Variants in BRINP1 observed in about 807,000 individuals in gnomAD.
BRINP1 encodes the protein BMP/retinoic acid inducible neural specific 1, also known as BMP/retinoic acid-inducible neural-specific protein 1.
A neutral mutation model predicts 72.9 loss-of-function variants in BRINP1; 17 were observed. The ratio of observed to expected loss-of-function variants is 0.23; its 90% CI spans 0.16 to 0.35. BRINP1 has a LOEUF of 0.35. BRINP1 is among the 10% of genes least tolerant of loss of function. The probability of loss-of-function intolerance (pLI) is 1.00; values close to 1 mark genes in which losing one functional copy is unlikely to be tolerated. For missense variants in BRINP1, 850 were observed against 1,001.6 expected, an observed-to-expected ratio of 0.85 and a Z score of 2.04; for synonymous variants, 418 against 378.5, an observed-to-expected ratio of 1.10 and a Z score of -1.21.
intron 1 of BRINP1, among the ~76,000 whole-genome samples, chr9:119,360,399 C>T (rs1831617426): frequency 6.6e-6 from 1 of 152,208 alleles, no homozygotes; most frequent in Non-Finnish European, 1.5e-5. Context: ...ACTCAGAACC[C>T]ATCAAATTCC....
intron 5 of BRINP1, among the ~76,000 whole-genome samples, chr9:119,230,286 A>C (rs1347781744): frequency 6.6e-6 from 1 of 152,108 alleles, no homozygotes; most frequent in African/African-American, 2.4e-5. Context: ...TGTTAAGTTA[A>C]GAAATCTAAA....
chr9:119,362,098 G>T (rs190090101), intron 1 of BRINP1, among the ~76,000 whole-genome samples: 1 of 142,960 alleles, frequency 7.0e-6, no homozygotes, highest in East Asian at 2.2e-4. Flanking sequence ...GATTACAGGC[G>T]TGAGCCACCA....
At chr9:119,350,783 C>T (rs1241290497) in intron 1 of BRINP1, among the ~76,000 whole-genome samples, 2 of 152,224 alleles carry the variant, frequency 1.3e-5, no homozygotes, top group South Asian at 2.1e-4. Context: ...AAAATAAAAA[C>T]TGTAATACCT....
chr9:119,220,636 C>T (rs866276459), intron 5 of BRINP1, among the ~76,000 whole-genome samples: 18 of 151,874 alleles, frequency 1.2e-4, no homozygotes, highest in South Asian at 4.2e-4. Flanking sequence ...AATTCAAGAA[C>T]GGGAAAGAAA....
In BRINP1 at chr9:119,219,431, T is replaced by C. The variant is rs548412582; in HGVS notation, c.686-5276A>G. Among the ~76,000 whole-genome samples, 205 of 152,222 alleles carry C rather than the reference T, an allele frequency of 1.3e-3. 1 individual carries two copies. Among genetic ancestry groups the C allele is most frequent in the African/African-American group, 4.8e-3 (199 of 41,524 alleles). On this transcript the variant is annotated intron_variant, in intron 5 of 7. Transcript: ENST00000265922. ...TAATCACTCCATCATTTTTCTTCTA[T>C]TAATTTTCCTTCCTTCCTTCCTGTT...
intron 2 of BRINP1, among the ~76,000 whole-genome samples, chr9:119,276,503 A>T (rs1830659484): frequency 6.6e-6 from 1 of 152,220 alleles, no homozygotes; most frequent in Admixed American, 6.5e-5. Flanking sequence ...CAATACAATT[A>T]GTTGTTTTAT....
chr9:119,200,889 A>G (rs1407804261), intron 7 of BRINP1, among the ~76,000 whole-genome samples: 1 of 152,014 alleles, frequency 6.6e-6, no homozygotes, highest in East Asian at 1.9e-4. Context: ...GGAGCAGCCC[A>G]TGTGAATCCT....
At chr9:119,346,032 C>T in intron 1 of BRINP1, among the ~76,000 whole-genome samples, 1 of 152,100 alleles carries the variant, frequency 6.6e-6, no homozygotes, top group Non-Finnish European at 1.5e-5. Flanking sequence ...CTCTTAACCA[C>T]AAAGCATACT....
At chr9:119,367,605 T>C (rs560533035) in intron 1 of BRINP1, among the ~76,000 whole-genome samples, 13 of 152,082 alleles carry the variant, frequency 8.5e-5, no homozygotes, top group Admixed American at 8.5e-4. Context: ...TCCCAGGAGA[T>C]GGAGGAAAGA....
At chr9:119,333,392 G>A (rs1831319192) in intron 1 of BRINP1, among the ~76,000 whole-genome samples, 1 of 150,594 alleles carries the variant, frequency 6.6e-6, no homozygotes, top group Non-Finnish European at 1.5e-5. Context: ...GAGCCTGGGA[G>A]GCAGAGGCTG....
chr9:119,313,187 A>G lies in BRINP1; in HGVS notation c.169T>C (p.Phe57Leu), dbSNP rs1239391077. Reference protein sequence around the residue: ...PFHHSRSYLSFVERHRQGFTT... With the variant: ...PFHHSRSYLSLVERHRQGFTT... ...AATCCTTGACGGTGTCTTTCCACAAAGGATAGGTAGCTCCTGGAGTGGTGG... is the reference window on the plus strand; with the variant it reads ...AATCCTTGACGGTGTCTTTCCACAAGGGATAGGTAGCTCCTGGAGTGGTGG... The change falls in exon 2 of 8, where the codon TTT becomes CTT. Residue 57 changes from phenylalanine to leucine, a missense_variant. Physicochemically the swap from Phe to Leu is conservative, Grantham distance 22 (BLOSUM62 0). Transcript: ENST00000265922. The G allele has an allele frequency of 6.2e-7, 1 of 1,614,036 alleles. No homozygotes were observed. Among genetic ancestry groups the G allele is most frequent in the African/African-American group, 1.3e-5 (1 of 74,928 alleles).
intron 2 of BRINP1, among the ~76,000 whole-genome samples, chr9:119,305,749 G>A (rs757921403): frequency 4.6e-5 from 7 of 152,072 alleles, no homozygotes; most frequent in Admixed American, 1.3e-4. Context: ...ATCTCTCAAG[G>A]CACATGACAC....
chr9:119,237,507 C>T (rs985246199), intron 5 of BRINP1, among the ~76,000 whole-genome samples: 1 of 151,798 alleles, frequency 6.6e-6, no homozygotes, highest in Non-Finnish European at 1.5e-5. Flanking sequence ...GGACTACAGG[C>T]GCCTGCCACC....
At chr9:119,285,538 T>A (rs1215626336) in intron 2 of BRINP1, among the ~76,000 whole-genome samples, 1 of 152,228 alleles carries the variant, frequency 6.6e-6, no homozygotes, top group Admixed American at 6.5e-5. Flanking sequence ...AGGTGTGGTT[T>A]CAGCTTAAGC....
In BRINP1 at chr9:119,167,634, A is replaced by T. The variant is rs768391844; in HGVS notation, c.1736T>A (p.Phe579Tyr). 1 of 1,614,054 alleles carries T rather than the reference A, an allele frequency of 6.2e-7. No individual in the cohort carries two copies. The highest frequency in any genetic ancestry group is 8.5e-7 in the Non-Finnish European group (1 of 1,180,032). The change falls in exon 8 of 8, where the codon TTC (phenylalanine) becomes TAC (tyrosine). Residue 579 changes from phenylalanine to tyrosine, a missense_variant. Coordinates refer to ENST00000265922, the MANE Select transcript of BRINP1 (RefSeq NM_014618.3). This position sits in a 1 kb window ranked among gnomAD's most constrained non-coding sequence, Gnocchi z 4.3. ...CCAGCGTGGGTAGCCAAATTCCCCG[A>T]AGGGCATGTTCCAGCCCTCCGAATG... The part of the protein sequence containing the change: ...GSHSEGWNMP[F>Y]GEFGYPRWEK...
At chr9:119,181,858 G>A (rs1829561834) in intron 7 of BRINP1, among the ~76,000 whole-genome samples, 1 of 152,180 alleles carries the variant, frequency 6.6e-6, no homozygotes, top group Non-Finnish European at 1.5e-5. Flanking sequence ...TTAATTGCTT[G>A]TCCTTTCTAA....
In BRINP1 at chr9:119,168,140, C is replaced by G. The variant is rs143607249; in HGVS notation, c.1230G>C (p.Gln410His). 2 of 1,600,612 alleles carry G rather than the reference C, an allele frequency of 1.2e-6. No individual in the cohort carries two copies. Among genetic ancestry groups the G allele is most frequent in the South Asian group, 1.1e-5 (1 of 89,374 alleles). Reference protein sequence around the residue: ...NGFWGTFLESQRSCVCHGSTT... With the variant: ...NGFWGTFLESHRSCVCHGSTT... The stretch of plus-strand genomic sequence containing the variant: ...TGCTGCCGTGGCACACGCAGCTCCG[C>G]TGGCTCTCCAGGAAGGTTCCCCAAA... The change falls in exon 8 of 8, where the codon CAG becomes CAC. Residue 410 changes from glutamine to histidine, a missense_variant. Gln to His is a conservative substitution (Grantham distance 24, BLOSUM62 0). Coordinates refer to ENST00000265922, the MANE Select transcript of BRINP1 (RefSeq NM_014618.3).
intron 2 of BRINP1, among the ~76,000 whole-genome samples, chr9:119,265,651 C>T (rs944278944): frequency 6.6e-6 from 1 of 152,006 alleles, no homozygotes; most frequent in African/African-American, 2.4e-5. Flanking sequence ...CTCAAATCAT[C>T]GAGGAAAGAA....
chr9:119,365,560 C>T (rs1365771488), intron 1 of BRINP1, among the ~76,000 whole-genome samples: 2 of 152,226 alleles, frequency 1.3e-5, no homozygotes, highest in East Asian at 3.9e-4. Flanking sequence ...AGACAGGTTG[C>T]AAATCAAAAA....
Sources: allele counts gnomAD v4.1 joint callset (sites outside exome capture counted in the v4.1 genomes callset), GRCh38; gene constraint gnomAD v4.1.1; non-coding constraint Gnocchi (gnomAD v3.1); transcripts MANE v1.5; gene names NCBI Gene and HGNC (gene_info 2026-07-23, HGNC 2026-07-21).